IGSF10: variants seen among roughly 807,000 people sequenced by gnomAD.
The protein encoded by IGSF10 is calvaria mechanical force protein 608.
Under a neutral mutation model 128.2 loss-of-function variants are expected in IGSF10, and 126 were observed. The ratio of observed to expected loss-of-function variants is 0.98; its 90% CI spans 0.85 to 1.14. The LOEUF (loss-of-function observed/expected upper bound fraction) is 1.14, where lower values mean the gene tolerates loss of function less well. IGSF10 is among the 50% of genes most tolerant of loss of function. The probability of loss-of-function intolerance (pLI) is 0.00; values close to 1 mark genes in which losing one functional copy is unlikely to be tolerated. For missense variants in IGSF10, 3,295 were observed against 3,149.8 expected (o/e 1.05, Z -1.10); for synonymous variants, 1,185 against 1,146.2 (o/e 1.03, Z -0.68).
chr3:151,481,724 T>C, the IGSF10 span, among the ~76,000 whole-genome samples: 2 of 152,146 alleles, frequency 1.3e-5, no homozygotes, highest in African/African-American at 4.8e-5. Context: ...ATGTCCTGGA[T>C]TGCAGTGCCA....
At chr3:151,456,736 A>G (rs527595156) in intron 4 of IGSF10, among the ~76,000 whole-genome samples, 5 of 152,228 alleles carry the variant, frequency 3.3e-5, no homozygotes, top group Admixed American at 6.5e-5. Context: ...CCAGATAAAC[A>G]TGACTAGAAG....
chr3:151,469,366 C>G, the IGSF10 span, among the ~76,000 whole-genome samples: 1 of 152,094 alleles, frequency 6.6e-6, no homozygotes, highest in African/African-American at 2.4e-5. Flanking sequence ...GGTTTCAAAT[C>G]AAGTTCAAGA....
chr3:151,466,418 A>C, the IGSF10 span, among the ~76,000 whole-genome samples: 5 of 152,176 alleles, frequency 3.3e-5, no homozygotes, highest in Non-Finnish European at 7.4e-5. Flanking sequence ...TTGATAATTA[A>C]CTGGATTGAA....
chr3:151,463,057 T>C (rs1405341894), upstream of IGSF10, among the ~76,000 whole-genome samples: 1 of 152,220 alleles, frequency 6.6e-6, no homozygotes, highest in Non-Finnish European at 1.5e-5. Context: ...AGCAACATGT[T>C]AAACTTATTT....
the IGSF10 span, among the ~76,000 whole-genome samples, chr3:151,482,224 A>G: frequency 6.6e-6 from 1 of 152,332 alleles, no homozygotes; most frequent in East Asian, 1.9e-4. Flanking sequence ...TTGCCCAAAA[A>G]GAAATTCAAA....
At chr3:151,544,063 C>A in the IGSF10 span, among the ~76,000 whole-genome samples, 8 of 152,298 alleles carry the variant, frequency 5.3e-5, no homozygotes, top group East Asian at 1.2e-3. Flanking sequence ...GCACATGCCA[C>A]CACGCCTGGC....
chr3:151,446,453 C>A lies in IGSF10; in HGVS notation c.3528G>T (p.Val1176=), dbSNP rs755345452. The change falls in exon 6 of 8, where the codon GTG becomes GTT. Residue 1176 remains valine, a synonymous_variant. Transcript: ENST00000282466. ...TAGCACCTGAAAGTGACGATGTAAT[C>A]ACTGAATCTCTTTTAGCTTCATTGG... is the stretch of plus-strand genomic sequence containing the variant. ...SSTNEAKRDS[V]ITSSLSGAIT... 1.9e-6 allele frequency: 3 copies of A among 1,614,052 alleles called. No individual in the cohort carries two copies. The highest frequency in any genetic ancestry group is 3.3e-5 in the Admixed American group (2 of 60,006).
At chr3:151,524,292 G>C in the IGSF10 span, among the ~76,000 whole-genome samples, 1 of 152,024 alleles carries the variant, frequency 6.6e-6, no homozygotes. Context: ...ATACCCAGAG[G>C]GATATAAATT....
At chr3:151,500,714 C>T in the IGSF10 span, among the ~76,000 whole-genome samples, 11 of 152,058 alleles carry the variant, frequency 7.2e-5, no homozygotes, top group African/African-American at 1.4e-4. Context: ...CATTTCTCAC[C>T]GATATTACTT....
At chr3:151,471,957 T>C in the IGSF10 span, among the ~76,000 whole-genome samples, 1 of 152,230 alleles carries the variant, frequency 6.6e-6, no homozygotes, top group African/African-American at 2.4e-5. Context: ...TAAAAGGATG[T>C]AAATTTAATG....
the IGSF10 span, among the ~76,000 whole-genome samples, chr3:151,521,715 T>G: frequency 1.3e-5 from 2 of 151,876 alleles, no homozygotes; most frequent in Non-Finnish European, 2.9e-5. Flanking sequence ...TAAGGCAGTG[T>G]TAAAAGGGAA....
Position 151,436,372 on chromosome 3 carries a change from G to T in IGSF10, c.*317C>A. 4.4e-6 allele frequency: 1 copy of T among 226,760 alleles called. No individual in the cohort carries two copies. The highest frequency in any genetic ancestry group is 5.2e-5 in the Admixed American group (1 of 19,394). 14.0% of individuals were successfully genotyped at this position (226,760 alleles called of 1,614,324 possible). On this transcript the variant is annotated 3_prime_UTR_variant, in exon 8 of 8. Transcript: ENST00000282466. ...GGACACTAGGCAACTGGTATTAGAA[G>T]TTCATTTTTTTACTGAAAAATTCAG...
At chr3:151,451,109 G>C (rs1469236335) in intron 5 of IGSF10, among the ~76,000 whole-genome samples, 2 of 152,000 alleles carry the variant, frequency 1.3e-5, no homozygotes, top group Non-Finnish European at 2.9e-5. Context: ...CAGGTATTTT[G>C]CCTCAAATGC....
the IGSF10 span, among the ~76,000 whole-genome samples, chr3:151,615,421 G>A: frequency 1.3e-5 from 2 of 152,060 alleles, no homozygotes; most frequent in Middle Eastern, 3.4e-3. Flanking sequence ...TACCTAAAAA[G>A]AACTACTTTT....
chr3:151,576,424 A>T, the IGSF10 span, among the ~76,000 whole-genome samples: 3 of 151,942 alleles, frequency 2.0e-5, no homozygotes, highest in Non-Finnish European at 4.4e-5. Context: ...TGTTTTGAAT[A>T]TTTTCATAAA....
At chr3:151,590,212 A>G in the IGSF10 span, among the ~76,000 whole-genome samples, 1 of 151,928 alleles carries the variant, frequency 6.6e-6, no homozygotes, top group Admixed American at 6.6e-5. Context: ...CTAATTTTAA[A>G]AAATTTTTTG....
the IGSF10 span, among the ~76,000 whole-genome samples, chr3:151,559,199 C>T: frequency 6.6e-6 from 1 of 152,120 alleles, no homozygotes; most frequent in African/African-American, 2.4e-5. Context: ...AGCCTCTCAA[C>T]AGCTATTGAT....
chr3:151,541,503 G>C, the IGSF10 span, among the ~76,000 whole-genome samples: 1 of 152,170 alleles, frequency 6.6e-6, no homozygotes, highest in African/African-American at 2.4e-5. Context: ...ACATTACTGA[G>C]TAAACAAAGT....
At chr3:151,606,237 T>TA in the IGSF10 span, among the ~76,000 whole-genome samples, 1 of 152,226 alleles carries the variant, frequency 6.6e-6, no homozygotes, top group Non-Finnish European at 1.5e-5. Context: ...AGAGTAATTT[T>TA]AAAAATTAAT....
Sources: allele counts gnomAD v4.1 joint callset (sites outside exome capture counted in the v4.1 genomes callset), GRCh38; gene constraint gnomAD v4.1.1; transcripts MANE v1.5; gene names NCBI Gene and HGNC (gene_info 2026-07-23, HGNC 2026-07-21).